The following FRMD4B variants were observed in gnomAD, a reference collection of about 807,000 sequenced individuals.
FRMD4B encodes FERM domain-containing protein 4B.
Under a neutral mutation model 141.5 loss-of-function variants are expected in FRMD4B, and 74 were observed. The ratio of observed to expected loss-of-function variants is 0.52; its 90% CI spans 0.43 to 0.63. FRMD4B has a LOEUF of 0.63. Among genes scored for constraint, FRMD4B ranks in the 30% least tolerant of loss-of-function variants. FRMD4B has a pLI of 0.00. For missense variants in FRMD4B, 1,366 were observed against 1,253.4 expected, an observed-to-expected ratio of 1.09 and a Z score of -1.36; for synonymous variants, 506 against 467.9, an observed-to-expected ratio of 1.08 and a Z score of -1.05.
chr3:69,399,384 C>A (rs1185513238), intron 2 of FRMD4B, among the ~76,000 whole-genome samples: 1 of 152,212 alleles, frequency 6.6e-6, no homozygotes, highest in African/African-American at 2.4e-5. Flanking sequence ...AGAACTGCTT[C>A]GACAGGCAAT....
intron 1 of FRMD4B, among the ~76,000 whole-genome samples, chr3:69,460,341 G>C (rs1293233799): frequency 6.6e-6 from 1 of 152,280 alleles, no homozygotes; most frequent in South Asian, 2.1e-4. Context: ...ATTTTTAACA[G>C]AAGGTAGTAG....
intron 1 of FRMD4B, chr3:69,472,037 T>G (rs1705901798): frequency 6.4e-6 from 1 of 155,474 alleles, no homozygotes; most frequent in Middle Eastern, 1.7e-3. Flanking sequence ...CTTGCAAAGA[T>G]TATTTGAGCC....
intron 11 of FRMD4B, among the ~76,000 whole-genome samples, chr3:69,215,452 G>A (rs1299398185): frequency 2.6e-5 from 4 of 151,024 alleles, no homozygotes; most frequent in African/African-American, 7.3e-5. Context: ...GCCACTACAC[G>A]TGGCTAATTT....
chr3:69,283,939 T>A (rs1378733098), intron 5 of FRMD4B, among the ~76,000 whole-genome samples: 2 of 149,772 alleles, frequency 1.3e-5, no homozygotes, highest in African/African-American at 4.9e-5. Flanking sequence ...GGGACTGAAT[T>A]TATCCTCTTA....
intron 1 of FRMD4B, among the ~76,000 whole-genome samples, chr3:69,527,119 C>T (rs946537244): frequency 5.9e-5 from 9 of 152,150 alleles, no homozygotes; most frequent in African/African-American, 2.2e-4. Flanking sequence ...CTCTCTCCCC[C>T]ATTCAGCTGT....
intron 1 of FRMD4B, among the ~76,000 whole-genome samples, chr3:69,332,973 T>C (rs1314492852): frequency 2.6e-5 from 4 of 152,110 alleles, no homozygotes; most frequent in African/African-American, 9.7e-5. Flanking sequence ...AGCTAAAATA[T>C]AAGCCAGTTC....
intron 1 of FRMD4B, among the ~76,000 whole-genome samples, chr3:69,455,537 G>A (rs1020762249): frequency 4.6e-5 from 7 of 152,114 alleles, no homozygotes; most frequent in South Asian, 2.1e-4. Context: ...ACCATTAACC[G>A]GTAAGAAGGA....
At chr3:69,488,968 C>G (rs950505049) in intron 1 of FRMD4B, among the ~76,000 whole-genome samples, 1 of 150,450 alleles carries the variant, frequency 6.6e-6, no homozygotes, top group African/African-American at 2.4e-5. Context: ...TATTTGTGAC[C>G]TCGGGTTAGG....
rs138510052 is a variant in FRMD4B at position 69,416,975 on chromosome 3, G to A, written c.-1+15659C>T. ...AGTGATGGGCATTTGGGTTGGTTCCGAGTCTTTGCTATTGTAAATGGTGCT... is the reference window on the plus strand; with the variant it reads ...AGTGATGGGCATTTGGGTTGGTTCCAAGTCTTTGCTATTGTAAATGGTGCT... On this transcript the variant is annotated intron_variant, in intron 2 of 5. Transcript: ENST00000459638. Among the ~76,000 whole-genome samples the A allele has an allele frequency of 3.9e-3, 593 of 152,174 alleles. 2 individuals are homozygous for A. Among genetic ancestry groups the A allele is most frequent in the African/African-American group, 0.013 (546 of 41,504 alleles).
chr3:69,421,717 G>C (rs1443573101), intron 2 of FRMD4B, among the ~76,000 whole-genome samples: 1 of 152,138 alleles, frequency 6.6e-6, no homozygotes. Flanking sequence ...CCTTTCAACT[G>C]CTCAATAGCC....
At chr3:69,461,822 T>TA (rs1345706415) in intron 1 of FRMD4B, among the ~76,000 whole-genome samples, 1 of 152,156 alleles carries the variant, frequency 6.6e-6, no homozygotes, top group Non-Finnish European at 1.5e-5. Context: ...CCCCAGTTTT[T>TA]ACCTGTTGTC....
At chr3:69,324,528 A>C (rs1702117090) in intron 1 of FRMD4B, among the ~76,000 whole-genome samples, 1 of 152,220 alleles carries the variant, frequency 6.6e-6, no homozygotes. Context: ...AGGGTGCTAA[A>C]CAGCATCCCT....
chr3:69,535,813 T>C, intron 1 of FRMD4B: 3 of 474,080 alleles, frequency 6.3e-6, no homozygotes, highest in Non-Finnish European at 1.3e-5. Flanking sequence ...AGCCTTGGTG[T>C]TTGGCCCCTG....
At chr3:69,251,402 A>C (rs1305420416) in intron 5 of FRMD4B, among the ~76,000 whole-genome samples, 1 of 152,188 alleles carries the variant, frequency 6.6e-6, no homozygotes, top group Non-Finnish European at 1.5e-5. Flanking sequence ...GGATTTCTGA[A>C]AGGATTGTGC....
At position 69,434,602 on chromosome 3, in the gene FRMD4B, G is replaced by A. The variant is rs548731774; in HGVS notation, c.-128-1841C>T. The stretch of plus-strand genomic sequence containing the variant: ...AGGAAAACTGAGATTAGAGCATCAT[G>A]GGAATCTATTCTACAACTATTAACA... On this transcript the variant is annotated intron_variant, in intron 1 of 5. Coordinates refer to the FRMD4B transcript ENST00000459638. Among the ~76,000 whole-genome samples the A allele has an allele frequency of 2.0e-5, 3 of 152,266 alleles. No individual in the cohort carries two copies. The East Asian group carries it at 5.8e-4, about 29-fold the overall frequency.
chr3:69,405,959 C>T (rs1450163636), intron 2 of FRMD4B, among the ~76,000 whole-genome samples: 2 of 152,156 alleles, frequency 1.3e-5, no homozygotes, highest in African/African-American at 4.8e-5. Context: ...TATGTGGCAC[C>T]TTGGGTATAA....
chr3:69,232,532 C>G (rs1282720761), intron 7 of FRMD4B, among the ~76,000 whole-genome samples: 1 of 152,188 alleles, frequency 6.6e-6, no homozygotes, highest in Middle Eastern at 3.2e-3. Flanking sequence ...CTTTCACAGG[C>G]TGTTTTTCTT....
intron 1 of FRMD4B, among the ~76,000 whole-genome samples, chr3:69,534,313 A>G (rs539436608): frequency 6.6e-6 from 1 of 152,364 alleles, no homozygotes; most frequent in South Asian, 2.1e-4. Context: ...AAGGAATATA[A>G]TCTTTTACAA....
chr3:69,336,403 A>G (rs118081728), intron 1 of FRMD4B: 1 of 152,346 alleles, frequency 6.6e-6, no homozygotes, highest in East Asian at 1.9e-4. Context: ...AGGCCATAGT[A>G]AGAAGTATGG....
Sources: gnomAD v4.1 joint callset for allele counts (sites outside exome capture counted in the v4.1 genomes callset) on GRCh38, gnomAD v4.1.1 for gene constraint, MANE v1.5 for transcripts, NCBI Gene and HGNC (gene_info 2026-07-23, HGNC 2026-07-21) for gene names.